NLRP2: variants seen among roughly 807,000 people sequenced by gnomAD.
NLRP2 encodes the protein NLR family pyrin domain containing 2.
Under a neutral mutation model 97.2 loss-of-function variants are expected in NLRP2, and 107 were observed. The observed-to-expected ratio is 1.10, with a 90% confidence interval of 0.94 to 1.29. The LOEUF is 1.29. Among genes scored for constraint, NLRP2 ranks in the 50% most tolerant of loss-of-function variants. The probability of loss-of-function intolerance (pLI) is 0.00; values close to 1 mark genes in which losing one functional copy is unlikely to be tolerated. For synonymous variants in NLRP2, 663 were observed against 551.5 expected, an observed-to-expected ratio of 1.20 and a Z score of -2.83; for missense variants, 1,495 against 1,330.3, an observed-to-expected ratio of 1.12 and a Z score of -1.93.
intron 5 of NLRP2, among the ~76,000 whole-genome samples, chr19:54,981,940 G>A (rs1960495909): frequency 1.3e-5 from 2 of 152,022 alleles, no homozygotes; most frequent in Non-Finnish European, 2.9e-5. Flanking sequence ...CACCATGACT[G>A]GCTAATTTTT....
At chr19:54,974,060 TA>T in intron 2 of NLRP2, 1 of 1,088,378 alleles carries the variant, frequency 9.2e-7, no homozygotes, top group Non-Finnish European at 1.4e-6. Context: ...TGCTGGCTAT[TA>T]AAAGATACAA....
upstream of NLRP2, among the ~76,000 whole-genome samples, chr19:54,965,537 G>C (rs1208655941): frequency 1.1e-5 from 1 of 93,976 alleles, no homozygotes; most frequent in Non-Finnish European, 2.2e-5. Flanking sequence ...CTCACTGCAA[G>C]CTCCGCCTCC....
In NLRP2 at chr19:54,972,257, T is replaced by C. The variant is rs150525730; in HGVS notation, c.280+1962T>C. ...AGTGCAGCAGCACAATCTCAGCTTA[T>C]TGCAACTCCCGCCCCCTGGGTTCAA... On this transcript the variant is annotated intron_variant, in intron 2 of 12. Transcript: ENST00000448584. Among the ~76,000 whole-genome samples, 252 of 152,058 alleles carry C rather than the reference T, an allele frequency of 1.7e-3. 1 individual carries two copies. Among genetic ancestry groups the C allele is most frequent in the African/African-American group, 6.0e-3 (249 of 41,488 alleles).
chr19:54,992,275 C>T (rs2072524783), intron 10 of NLRP2, among the ~76,000 whole-genome samples: 1 of 152,048 alleles, frequency 6.6e-6, no homozygotes, highest in African/African-American at 2.4e-5. Context: ...CTGTCCTCTT[C>T]CTATGAAGTA....
At chr19:54,994,933 C>T (rs11881471) in intron 11 of NLRP2, among the ~76,000 whole-genome samples, 12,216 of 151,016 alleles carry the variant, frequency 0.081, 506 homozygotes, top group South Asian at 0.1. Context: ...TAGTCTGTGT[C>T]ATGCAAAGAA....
chr19:54,988,704 G>A (rs1462967941), intron 8 of NLRP2, among the ~76,000 whole-genome samples: 1 of 152,106 alleles, frequency 6.6e-6, no homozygotes, highest in Non-Finnish European at 1.5e-5. Flanking sequence ...ATTTTTAGGA[G>A]AAATGGGGTT....
At position 54,983,758 on chromosome 19, in the gene NLRP2, C is replaced by G. The variant is rs201693692; in HGVS notation, c.2030+30C>G. 783 of 1,602,636 alleles carry G rather than the reference C, an allele frequency of 4.9e-4. 1 individual carries two copies. Among genetic ancestry groups the G allele is most frequent in the Non-Finnish European group, 6.4e-4 (751 of 1,179,792 alleles). Reference sequence around the variant, plus strand: ...GAACCGTTTCACTCTACCAGTCGTTCCATCTTTAGCCTCATCCCATGCCCC... The same window carrying G: ...GAACCGTTTCACTCTACCAGTCGTTGCATCTTTAGCCTCATCCCATGCCCC... On this transcript the variant is annotated intron_variant, in intron 6 of 12. Transcript: ENST00000448584.
At chr19:54,981,314 A>G (rs1193765165) in intron 4 of NLRP2, among the ~76,000 whole-genome samples, 2 of 152,016 alleles carry the variant, frequency 1.3e-5, no homozygotes, top group African/African-American at 2.4e-5. Context: ...GATTACAGGC[A>G]TGCGCCACCA....
intron 10 of NLRP2, among the ~76,000 whole-genome samples, chr19:54,992,551 G>GGGGT (rs2072550377): frequency 4.2e-5 from 1 of 24,010 alleles, no homozygotes; most frequent in African/African-American, 1.9e-4. Context: ...GGGGGGGGGG[G>GGGGT]TTTTCTTTTT....
chr19:54,990,084 A>C lies in NLRP2; in HGVS notation c.2429A>C (p.Asn810Thr). The C allele has an allele frequency of 6.2e-7, 1 of 1,614,122 alleles. No homozygotes were observed. Among genetic ancestry groups the C allele is most frequent in the Non-Finnish European group, 8.5e-7 (1 of 1,180,036 alleles). The change falls in exon 9 of 13, where the codon AAC becomes ACC. Residue 810 changes from asparagine to threonine, a missense_variant. By Grantham distance (65) the Asn-to-Thr change is moderately conservative. Transcript: ENST00000448584. Reference sequence around the variant, plus strand: ...GATCTCTCCTTGGCCCTTGAAGTCAACCAGTCCCTGACGTGCGTAAACCTC... The same window carrying C: ...GATCTCTCCTTGGCCCTTGAAGTCACCCAGTCCCTGACGTGCGTAAACCTC... ...WADLSLALEV[N>T]QSLTCVNLSD...
At chr19:54,986,689 T>A (rs1214702696) in intron 8 of NLRP2, among the ~76,000 whole-genome samples, 1 of 152,086 alleles carries the variant, frequency 6.6e-6, no homozygotes, top group East Asian at 1.9e-4. Flanking sequence ...TTGCTGGGAT[T>A]ACAGGCACCC....
intron 1 of NLRP2, among the ~76,000 whole-genome samples, chr19:54,968,106 T>C (rs530407513): frequency 7.0e-4 from 106 of 152,100 alleles, no homozygotes; most frequent in Middle Eastern, 6.8e-3. Context: ...TTAGTCGATA[T>C]AGGGTTTCAC....
At chr19:54,991,924 A>G (rs113195458) in intron 10 of NLRP2, among the ~76,000 whole-genome samples, 1 of 127,308 alleles carries the variant, frequency 7.9e-6, no homozygotes, top group East Asian at 2.3e-4. Context: ...CATCTCTGGT[A>G]TTTTTTTTTT....
intron 5 of NLRP2, 56 bp from the exon 6 acceptor site, chr19:54,982,106 T>C: frequency 6.2e-7 from 1 of 1,610,980 alleles, no homozygotes; most frequent in Non-Finnish European, 8.5e-7. Flanking sequence ...ATTTTGGTTT[T>C]CCCTATGGGT....
In NLRP2 at chr19:54,969,967, C is replaced by T. The variant is rs187451883; in HGVS notation, c.-17-32C>T. On this transcript the variant is annotated intron_variant, in intron 1 of 12. Transcript: ENST00000448584. ...TGAGACAGGAGTGCTAATCACCATC[C>T]CTCTCCACTCCTCCCTTGATTGTCA... 5.9e-5 allele frequency: 95 copies of T among 1,603,236 alleles called. No individual in the cohort carries two copies. The Middle Eastern group carries it at 8.8e-4, about 15-fold the overall frequency.
rs762475778 is a variant in NLRP2 at position 54,990,467 on chromosome 19, T to C, written c.2538-35T>C. On this transcript the variant is annotated intron_variant, in intron 9 of 12. Transcript: ENST00000448584. The stretch of plus-strand genomic sequence containing the variant: ...TAGCCGGGAAGGTTGAAGTTGGACC[T>C]GTCAACCGTGTTGCCATTTGTGATT... The C allele has an allele frequency of 4.3e-6, 7 of 1,611,216 alleles. No individual in the cohort carries two copies. In the African/African-American group the frequency reaches 8.1e-5, roughly 19 times the overall value.
Position 54,997,385 on chromosome 19 carries a change from G to C in NLRP2, c.2948G>C (p.Ser983Thr). ...TGCTCTGCCCTCAGCTGCAACCAGA[G>C]CCTCGTCACTCTGGACCTGGGTCAG... is the stretch of plus-strand genomic sequence containing the variant. ...DLCSALSCNQ[S>T]LVTLDLGQNP... Residue 983 changes from serine to threonine, a missense_variant, in exon 12 of 13, where the codon AGC becomes ACC. Transcript: ENST00000448584. 1 of 1,614,218 alleles carries C rather than the reference G, an allele frequency of 6.2e-7. No homozygotes were observed. Among genetic ancestry groups the C allele is most frequent in the East Asian group, 2.2e-5 (1 of 44,882 alleles).
At chr19:54,984,201 C>T (rs1340295689) in intron 6 of NLRP2, among the ~76,000 whole-genome samples, 1 of 151,836 alleles carries the variant, frequency 6.6e-6, no homozygotes, top group Non-Finnish European at 1.5e-5. Context: ...GGCTGGAGTA[C>T]AGTGGTGAAA....
In NLRP2 at chr19:54,985,128, A is replaced by G; in HGVS notation, c.2112A>G (p.Leu704=). The change falls in exon 7 of 13, where the codon CTA becomes CTG. Residue 704 remains leucine (L), a synonymous_variant. Coordinates refer to ENST00000448584, the MANE Select transcript of NLRP2 (RefSeq NM_017852.5). The part of the protein sequence containing the change: ...IFGSNKDLMG[L]AINDSFLSAS... ...GATCAAATAAGGATCTGATGGGTCTAGCAATCAATGATAGCTTTCTCAGTG... is the reference window on the plus strand; with the variant it reads ...GATCAAATAAGGATCTGATGGGTCTGGCAATCAATGATAGCTTTCTCAGTG... 1.2e-6 allele frequency: 2 copies of G among 1,614,160 alleles called. No individual in the cohort carries two copies. Among genetic ancestry groups the G allele is most frequent in the East Asian group, 2.2e-5 (1 of 44,882 alleles).
Sources: allele counts gnomAD v4.1 joint callset (sites outside exome capture counted in the v4.1 genomes callset), GRCh38; gene constraint gnomAD v4.1.1; transcripts MANE v1.5; gene names NCBI Gene and HGNC (gene_info 2026-07-23, HGNC 2026-07-21).